The following NPFFR1 variants were observed in gnomAD, a reference collection of about 807,000 sequenced individuals.
NPFFR1 encodes the protein G-protein coupled receptor 147.
Under a neutral mutation model 12.7 loss-of-function variants are expected in NPFFR1, and 17 were observed. That is an observed-to-expected ratio of 1.34 (90% CI 0.92 to 2.01). The LOEUF (loss-of-function observed/expected upper bound fraction) is 2.01, where lower values mean the gene tolerates loss of function less well. Ranked by LOEUF, NPFFR1 falls within the 30% of genes most tolerant of loss-of-function variation. NPFFR1 has a pLI of 0.00. For synonymous variants in NPFFR1, 296 were observed against 264.5 expected (o/e 1.12, Z -1.16); for missense variants, 604 against 606.5 (o/e 1.00, Z 0.04).
intron 3 of NPFFR1, among the ~76,000 whole-genome samples, chr10:70,259,114 C>G (rs1840607215): frequency 6.6e-6 from 1 of 151,988 alleles, no homozygotes; most frequent in Non-Finnish European, 1.5e-5. Flanking sequence ...TGGTGAAACC[C>G]TTCTCTACTA....
At chr10:70,264,260 G>T (rs1327858735) in intron 2 of NPFFR1, among the ~76,000 whole-genome samples, 1 of 149,486 alleles carries the variant, frequency 6.7e-6, no homozygotes, top group Non-Finnish European at 1.5e-5. Flanking sequence ...TGTAATCCTA[G>T]CCACTCGGGA....
intron 2 of NPFFR1, 107 bp downstream of exon 2, chr10:70,265,970 G>T (rs1589912554): frequency 9.2e-7 from 1 of 1,085,268 alleles, no homozygotes; most frequent in Non-Finnish European, 1.4e-6. Flanking sequence ...TGGCCAAGAG[G>T]CCAGCCCAGC....
At chr10:70,281,114 G>A (rs1023103482) in intron 1 of NPFFR1, among the ~76,000 whole-genome samples, 4 of 152,184 alleles carry the variant, frequency 2.6e-5, no homozygotes, top group African/African-American at 9.7e-5. Context: ...CTCTCTGCCT[G>A]CCACATCCCA....
chr10:70,269,465 A>T (rs1217825650), intron 1 of NPFFR1, among the ~76,000 whole-genome samples: 1 of 151,638 alleles, frequency 6.6e-6, no homozygotes, highest in Admixed American at 6.6e-5. Context: ...AGCTTTTAAC[A>T]TAATATTTTC....
intron 1 of NPFFR1, among the ~76,000 whole-genome samples, chr10:70,283,203 G>T (rs909819534): frequency 6.6e-6 from 1 of 150,408 alleles, no homozygotes; most frequent in African/African-American, 2.5e-5. Flanking sequence ...GGCACCCCAG[G>T]TCTTTCTCTC....
chr10:70,257,705 G>A (rs1335266741), intron 3 of NPFFR1, among the ~76,000 whole-genome samples: 2 of 152,202 alleles, frequency 1.3e-5, no homozygotes, highest in Admixed American at 1.3e-4. Context: ...ATAGAGGAAG[G>A]CCACTGTCTC....
intron 2 of NPFFR1, among the ~76,000 whole-genome samples, chr10:70,264,531 C>T (rs1554833124): frequency 6.6e-6 from 1 of 151,956 alleles, no homozygotes; most frequent in Non-Finnish European, 1.5e-5. Context: ...TAGTGAGAAA[C>T]TCTTTTATTT....
intron 3 of NPFFR1, among the ~76,000 whole-genome samples, chr10:70,259,343 T>G (rs1253858670): frequency 6.6e-6 from 1 of 151,706 alleles, no homozygotes. Flanking sequence ...GAATAAATAA[T>G]TCTTAAAGCC....
intron 1 of NPFFR1, among the ~76,000 whole-genome samples, chr10:70,278,945 G>A (rs990547033): frequency 6.6e-6 from 1 of 151,968 alleles, no homozygotes; most frequent in African/African-American, 2.4e-5. Context: ...TATTTTTTTA[G>A]ATTTAAAATA....
At chr10:70,280,498 T>C (rs539445704) in intron 1 of NPFFR1, among the ~76,000 whole-genome samples, 1 of 152,334 alleles carries the variant, frequency 6.6e-6, no homozygotes, top group Non-Finnish European at 1.5e-5. Context: ...TGGGCATTTT[T>C]TCATATACCT....
chr10:70,268,407 A>T (rs1564595887), intron 1 of NPFFR1, among the ~76,000 whole-genome samples: 2 of 152,186 alleles, frequency 1.3e-5, no homozygotes, highest in Admixed American at 6.5e-5. Flanking sequence ...GGTTTGTTTG[A>T]GTGTGGATCG....
chr10:70,260,885 T>A (rs1237884434), intron 2 of NPFFR1, 146 bp from the exon 3 acceptor site: 3 of 703,306 alleles, frequency 4.3e-6, no homozygotes, highest in Non-Finnish European at 7.3e-6. Flanking sequence ...TTGCAGACTT[T>A]CAGAAATGAG....
rs1010722672 is a variant in NPFFR1, at chr10:70,263,429, C to T, written c.322+2648G>A. Among the ~76,000 whole-genome samples the T allele has an allele frequency of 5.3e-5, 8 of 152,086 alleles. No individual in the cohort carries two copies. In the South Asian group the frequency reaches 8.3e-4, roughly 16 times the overall value. The stretch of plus-strand genomic sequence containing the variant: ...CTGGGACTACAGGCACCCACGACCA[C>T]GCCCGGCTAATTTTTTGTATTTTTT... On this transcript the variant is annotated intron_variant, in intron 2 of 3. Transcript: ENST00000277942.
At chr10:70,274,836 G>T (rs1440293112) in intron 1 of NPFFR1, among the ~76,000 whole-genome samples, 1 of 152,224 alleles carries the variant, frequency 6.6e-6, no homozygotes, top group Admixed American at 6.5e-5. Context: ...GGAACCAGTA[G>T]GTCGCAGTGT....
chr10:70,283,134 G>GTGTT (rs1840879228), intron 1 of NPFFR1, among the ~76,000 whole-genome samples: 1 of 138,670 alleles, frequency 7.2e-6, no homozygotes, highest in African/African-American at 2.7e-5. Flanking sequence ...CTCTCTTTTT[G>GTGTT]TGTGTGTGTG....
intron 1 of NPFFR1, among the ~76,000 whole-genome samples, chr10:70,279,233 G>T (rs967344692): frequency 6.6e-6 from 1 of 151,704 alleles, no homozygotes; most frequent in Admixed American, 6.6e-5. Flanking sequence ...TGCAACCTCC[G>T]CCTCCCAGGT....
intron 1 of NPFFR1, among the ~76,000 whole-genome samples, chr10:70,274,267 G>A (rs1173514018): frequency 6.6e-6 from 1 of 152,164 alleles, no homozygotes; most frequent in Non-Finnish European, 1.5e-5. Flanking sequence ...GGCCAACATG[G>A]TGAAACCCTG....
chr10:70,258,893 A>C (rs142098499), intron 3 of NPFFR1, among the ~76,000 whole-genome samples: 101 of 152,224 alleles, frequency 6.6e-4, no homozygotes, highest in Middle Eastern at 6.8e-3. Context: ...CCCTCCTGCC[A>C]ACCCAGTTTT....
Position 70,248,491 on chromosome 10 carries a change from T to TTG in NPFFR1, c.*6465_*6466insCA, listed in dbSNP as rs1268618876. 7.3e-6 allele frequency: 1 copy of TTG among 136,846 alleles called. No homozygotes were observed. Among genetic ancestry groups the TTG allele is most frequent in the African/African-American group, 2.8e-5 (1 of 36,134 alleles). 8.5% of individuals were successfully genotyped at this position (136,846 alleles called of 1,614,324 possible). On this transcript the variant is annotated 3_prime_UTR_variant, in exon 4 of 4. Transcript: ENST00000277942. ...CGTTTTTTTTTTGTTTTTTGTTTTTTTTTTTTTTTTTTGAGATGGAGTCTC... is the reference window on the plus strand; with the variant it reads ...CGTTTTTTTTTTGTTTTTTGTTTTTTTGTTTTTTTTTTTTGAGATGGAGTCTC...
Sources: gnomAD v4.1 joint callset for allele counts (sites outside exome capture counted in the v4.1 genomes callset) on GRCh38, gnomAD v4.1.1 for gene constraint, MANE v1.5 for transcripts, NCBI Gene and HGNC (gene_info 2026-07-23, HGNC 2026-07-21) for gene names.